DISC1: variants seen among roughly 807,000 people sequenced by gnomAD.
DISC1 encodes DISC1 scaffold protein.
Under a neutral mutation model 84.5 loss-of-function variants are expected in DISC1, and 57 were observed. That is an observed-to-expected ratio of 0.67 (90% CI 0.55 to 0.84). The LOEUF is 0.84. DISC1 is among the 40% of genes least tolerant of loss of function. DISC1 has a pLI of 0.00. For synonymous variants in DISC1, 411 were observed against 415.2 expected (o/e 0.99, Z 0.12); for missense variants, 1,000 against 1,057.8 (o/e 0.95, Z 0.76).
chr1:231,757,952 G>T (rs943544207), intron 4 of DISC1, among the ~76,000 whole-genome samples: 23 of 148,016 alleles, frequency 1.6e-4, no homozygotes, highest in Admixed American at 6.7e-4. Context: ...CACCCAACAG[G>T]TTTATCAGGC....
chr1:231,851,738 T>G (rs958094691), intron 9 of DISC1, among the ~76,000 whole-genome samples: 3 of 152,186 alleles, frequency 2.0e-5, no homozygotes, highest in Non-Finnish European at 2.9e-5. Context: ...CTGGCTGGTC[T>G]TCATGTGGGC....
intron 9 of DISC1, among the ~76,000 whole-genome samples, chr1:231,850,594 A>G (rs2083823228): frequency 6.6e-6 from 1 of 152,234 alleles, no homozygotes; most frequent in Non-Finnish European, 1.5e-5. Flanking sequence ...TACGAATGCA[A>G]CCTAAGTTGT....
intron 10 of DISC1, among the ~76,000 whole-genome samples, chr1:231,999,849 A>AAC (rs1666440875): frequency 7.4e-6 from 1 of 135,522 alleles, no homozygotes; most frequent in Non-Finnish European, 1.6e-5. Context: ...ACAACAACAA[A>AAC]ACAACCAACT....
At chr1:231,750,536 T>TA in intron 4 of DISC1, 1 of 991,478 alleles carries the variant, frequency 1.0e-6, no homozygotes, top group Non-Finnish European at 1.2e-6. Context: ...CCAAGGCTCT[T>TA]CTGAGATTAG....
intron 9 of DISC1, among the ~76,000 whole-genome samples, chr1:231,923,727 G>A (rs1163419141): frequency 6.6e-6 from 1 of 152,222 alleles, no homozygotes; most frequent in African/African-American, 2.4e-5. Context: ...GGATGTGTGT[G>A]ATTCCATGTG....
At chr1:231,627,279 C>T (rs2058340011) in intron 1 of DISC1, among the ~76,000 whole-genome samples, 1 of 152,128 alleles carries the variant, frequency 6.6e-6, no homozygotes, top group African/African-American at 2.4e-5. Flanking sequence ...GGGTTTGGAT[C>T]CGTCCCCGTC....
At chr1:231,635,469 T>C (rs1055441576) in intron 1 of DISC1, among the ~76,000 whole-genome samples, 1 of 152,214 alleles carries the variant, frequency 6.6e-6, no homozygotes, top group Non-Finnish European at 1.5e-5. Flanking sequence ...TGGAATCGTC[T>C]GCTCTCTCCT....
intron 1 of DISC1, among the ~76,000 whole-genome samples, chr1:231,643,547 G>C (rs2059898723): frequency 6.6e-6 from 1 of 152,166 alleles, no homozygotes; most frequent in South Asian, 2.1e-4. Context: ...ACTGCGGTCA[G>C]ATGTGTAGAG....
intron 9 of DISC1, chr1:231,818,760 T>G (rs576088518): frequency 7.3e-7 from 1 of 1,362,286 alleles, no homozygotes; most frequent in East Asian, 2.9e-5. Context: ...TCTCAACCTG[T>G]GTTTGCTAAT....
intron 1 of DISC1, among the ~76,000 whole-genome samples, chr1:231,689,269 G>A (rs1359011019): frequency 6.6e-6 from 1 of 152,018 alleles, no homozygotes; most frequent in East Asian, 1.9e-4. Context: ...TTCCCTTCAG[G>A]AGACCTTAGA....
intron 6 of DISC1, among the ~76,000 whole-genome samples, chr1:231,792,489 G>A (rs1298363841): frequency 6.6e-6 from 1 of 152,166 alleles, no homozygotes; most frequent in Non-Finnish European, 1.5e-5. Context: ...GTGTGATTGG[G>A]AACACCTACT....
chr1:231,779,876 G>A (rs1322428851), intron 6 of DISC1, among the ~76,000 whole-genome samples: 1 of 152,056 alleles, frequency 6.6e-6, no homozygotes, highest in Non-Finnish European at 1.5e-5. Context: ...CCTATTCTGT[G>A]TAAATTCCTG....
chr1:231,727,532 C>T (rs2070891372), intron 3 of DISC1, among the ~76,000 whole-genome samples: 1 of 152,162 alleles, frequency 6.6e-6, no homozygotes, highest in Admixed American at 6.5e-5. Flanking sequence ...TGACCATCCT[C>T]TGGGTGTTGG....
At chr1:231,704,720 A>C (rs935986047) in intron 3 of DISC1, among the ~76,000 whole-genome samples, 4 of 136,600 alleles carry the variant, frequency 2.9e-5, no homozygotes, top group African/African-American at 1.1e-4. Flanking sequence ...AGATGGCGCC[A>C]CTGCACTCCA....
At chr1:231,770,735 G>C in intron 5 of DISC1, 100 bp from the exon 6 acceptor site, 1 of 1,544,582 alleles carries the variant, frequency 6.5e-7, no homozygotes, top group East Asian at 2.4e-5. Context: ...TGTAGTTCTG[G>C]TGCATATGGC....
intron 9 of DISC1, among the ~76,000 whole-genome samples, chr1:231,823,757 G>A (rs537507847): frequency 5.9e-5 from 9 of 152,174 alleles, no homozygotes; most frequent in Non-Finnish European, 1.3e-4. Flanking sequence ...TGATAAGCAT[G>A]TTATCCGATG....
rs756933323 is a variant in DISC1, at chr1:231,749,922, C to T, written c.1118-4C>T. ...TCCTCTCTCTCATCATTTTGGGTTT[C>T]CAGCTGAGACGTTACAACAAAGATT... On this transcript the variant is annotated splice_region_variant and splice_polypyrimidine_tract_variant and intron_variant, in intron 3 of 12. Transcript: ENST00000439617. 6.2e-7 allele frequency: 1 copy of T among 1,614,152 alleles called. No homozygotes were observed. Among genetic ancestry groups the T allele is most frequent in the Non-Finnish European group, 8.5e-7 (1 of 1,180,016 alleles).
intron 9 of DISC1, among the ~76,000 whole-genome samples, chr1:231,913,030 C>A (rs2126060172): frequency 6.6e-6 from 1 of 152,186 alleles, no homozygotes. Flanking sequence ...TCCTCAGCCA[C>A]CCAAGTAGCT....
intron 9 of DISC1, among the ~76,000 whole-genome samples, chr1:231,827,256 G>T (rs2081923705): frequency 6.6e-6 from 1 of 152,120 alleles, no homozygotes; most frequent in South Asian, 2.1e-4. Context: ...AAAGGGCTGG[G>T]ATTACAGGCA....
Sources: allele counts gnomAD v4.1 joint callset (sites outside exome capture counted in the v4.1 genomes callset), GRCh38; gene constraint gnomAD v4.1.1; transcripts MANE v1.5; gene names NCBI Gene and HGNC (gene_info 2026-07-23, HGNC 2026-07-21).